The following THSD7B variants were observed in gnomAD, a reference collection of about 807,000 sequenced individuals.
THSD7B encodes thrombospondin type 1 domain containing 7B.
A neutral mutation model predicts 213.6 loss-of-function variants in THSD7B; 138 were observed. That is an observed-to-expected ratio of 0.65 (90% CI 0.56 to 0.74). The LOEUF (loss-of-function observed/expected upper bound fraction) is 0.74. Among genes scored for constraint, THSD7B ranks in the 30% least tolerant of loss-of-function variants. The pLI is 0.00. For synonymous variants in THSD7B, 742 were observed against 687.0 expected, an observed-to-expected ratio of 1.08 and a Z score of -1.25; for missense variants, 1,931 against 1,991.5, an observed-to-expected ratio of 0.97 and a Z score of 0.58.
At chr2:136,771,853 A>G (rs1681512217) in intron 1 of THSD7B, among the ~76,000 whole-genome samples, 1 of 152,140 alleles carries the variant, frequency 6.6e-6, no homozygotes, top group Non-Finnish European at 1.5e-5. Flanking sequence ...GGGCCTGGGT[A>G]ATAACAGCCA....
chr2:136,991,969 C>A (rs1685793152), intron 2 of THSD7B, among the ~76,000 whole-genome samples: 1 of 152,182 alleles, frequency 6.6e-6, no homozygotes, highest in African/African-American at 2.4e-5. Flanking sequence ...CTCCATTAGT[C>A]ACTTTACCGT....
chr2:137,170,602 A>T, intron 6 of THSD7B, 139 bp from the exon 7 acceptor site: 1 of 717,526 alleles, frequency 1.4e-6, no homozygotes, highest in Non-Finnish European at 2.2e-6. Context: ...CACTTCACAT[A>T]GAATAAAACA....
At chr2:136,876,351 C>T (rs1328707023) in intron 1 of THSD7B, among the ~76,000 whole-genome samples, 1 of 152,046 alleles carries the variant, frequency 6.6e-6, no homozygotes, top group Non-Finnish European at 1.5e-5. Context: ...TTTATGAGGG[C>T]AATATTTAGG....
At chr2:137,659,932 T>C (rs1162163963) in intron 25 of THSD7B, among the ~76,000 whole-genome samples, 186 bp downstream of exon 25, 2 of 152,238 alleles carry the variant, frequency 1.3e-5, no homozygotes, top group Non-Finnish European at 2.9e-5. Flanking sequence ...ATTAACAGTG[T>C]TTTTCTATAA....
chr2:137,116,195 G>C (rs1029318753), intron 5 of THSD7B, among the ~76,000 whole-genome samples: 1 of 152,198 alleles, frequency 6.6e-6, no homozygotes, highest in East Asian at 1.9e-4. Context: ...TGTGACCATA[G>C]CCTCAGATAA....
intron 7 of THSD7B, among the ~76,000 whole-genome samples, chr2:137,178,562 A>G (rs537348920): frequency 2.0e-4 from 30 of 152,198 alleles, no homozygotes; most frequent in Non-Finnish European, 4.0e-4. Context: ...CCTTTCATTT[A>G]GTTGTCTTGC....
At chr2:136,957,264 A>G (rs1359986564) in intron 2 of THSD7B, among the ~76,000 whole-genome samples, 1 of 152,164 alleles carries the variant, frequency 6.6e-6, no homozygotes, top group Non-Finnish European at 1.5e-5. Flanking sequence ...GAGAGAAGGT[A>G]GGACTGTATC....
chr2:137,471,369 C>T (rs569522717), intron 15 of THSD7B, among the ~76,000 whole-genome samples: 40 of 152,224 alleles, frequency 2.6e-4, no homozygotes, highest in Non-Finnish European at 4.9e-4. Flanking sequence ...ATATAAAATA[C>T]GTTTTATCCT....
Position 137,638,370 on chromosome 2 carries a change from C to G in THSD7B, c.3800-4118C>G, listed in dbSNP as rs943792228. Among the ~76,000 whole-genome samples the G allele has an allele frequency of 3.4e-4, 52 of 152,068 alleles. 3 individuals are homozygous for G. The highest frequency in any genetic ancestry group is 2.9e-5 in the Non-Finnish European group (2 of 68,016). On this transcript the variant is annotated intron_variant, in intron 20 of 27. Transcript: ENST00000409968. ...CAGGGGTTTCCGCTTTTGCTTATTC[C>G]TCATTTTTCTCTTGTTACCTCCATG...
At chr2:137,624,079 A>G (rs1413702572) in intron 20 of THSD7B, among the ~76,000 whole-genome samples, 2 of 152,220 alleles carry the variant, frequency 1.3e-5, no homozygotes, top group African/African-American at 2.4e-5. Context: ...TTCAAACTAT[A>G]CTACAAGGCT....
At chr2:136,883,433 A>G (rs1683660799) in intron 2 of THSD7B, among the ~76,000 whole-genome samples, 1 of 151,884 alleles carries the variant, frequency 6.6e-6, no homozygotes, top group Non-Finnish European at 1.5e-5. Flanking sequence ...GTGGGCTCCA[A>G]TACTTCATTA....
chr2:137,162,011 C>T (rs1680028389), intron 6 of THSD7B, among the ~76,000 whole-genome samples: 1 of 152,168 alleles, frequency 6.6e-6, no homozygotes. Flanking sequence ...AGCTGTAGAA[C>T]CACATCAGAC....
chr2:137,484,156 G>A (rs1286057430), intron 15 of THSD7B, among the ~76,000 whole-genome samples: 1 of 147,490 alleles, frequency 6.8e-6, no homozygotes, highest in Admixed American at 6.8e-5. Flanking sequence ...ATCTCCTAAA[G>A]CTATCCCTCC....
chr2:137,068,801 C>T (rs1687425474), intron 3 of THSD7B, among the ~76,000 whole-genome samples: 1 of 151,942 alleles, frequency 6.6e-6, no homozygotes, highest in East Asian at 1.9e-4. Context: ...CATTCTGTTT[C>T]CTCTGTTTTG....
chr2:137,073,982 G>C (rs548156124), intron 3 of THSD7B, among the ~76,000 whole-genome samples: 305 of 152,272 alleles, frequency 2.0e-3, no homozygotes, highest in Middle Eastern at 6.8e-3. Context: ...TTTTACATTT[G>C]CTGAGGAGTG....
chr2:137,200,014 T>G (rs1573881727), intron 7 of THSD7B, among the ~76,000 whole-genome samples: 2 of 152,240 alleles, frequency 1.3e-5, no homozygotes, highest in East Asian at 1.9e-4. Flanking sequence ...TTCACATAAT[T>G]ACATCCTTAA....
chr2:137,407,207 ACT>A (rs1365743678), intron 13 of THSD7B, among the ~76,000 whole-genome samples: 1 of 152,076 alleles, frequency 6.6e-6, no homozygotes, highest in African/African-American at 2.4e-5. Context: ...AATTGTTGAA[ACT>A]CTAATGAATT....
In THSD7B at chr2:137,118,511, C is replaced by T. The variant is rs548805673; in HGVS notation, c.1369+3218C>T. The stretch of plus-strand genomic sequence containing the variant: ...AAAGCAATAAACTATATTTAAAAAT[C>T]CAGAAAAATTTTTGGTGTGGTTGTA... On this transcript the variant is annotated intron_variant, in intron 5 of 27. Coordinates refer to ENST00000409968, the MANE Select transcript of THSD7B (RefSeq NM_001316349.2). Among the ~76,000 whole-genome samples the T allele has an allele frequency of 9.9e-5, 15 of 152,040 alleles. 1 individual carries two copies. The highest frequency in any genetic ancestry group is 6.2e-4 in the South Asian group (3 of 4,824).
In THSD7B at chr2:137,056,460, A is replaced by T; in HGVS notation, c.180A>T (p.Gly60=). Residue 60 remains glycine, a synonymous_variant, in exon 3 of 28, where the codon GGA becomes GGT. Transcript: ENST00000409968. ...GRCTGDCGPG[G]VQSRAVWCFH... is the part of the protein sequence containing the mutation. ...GTACAGGAGACTGTGGTCCCGGAGG[A>T]GTCCAGAGTCGGGCAGTGTGGTGTT... The T allele has an allele frequency of 6.2e-7, 1 of 1,613,924 alleles. No individual in the cohort carries two copies. The highest frequency in any genetic ancestry group is 8.5e-7 in the Non-Finnish European group (1 of 1,179,864).
Sources: allele counts gnomAD v4.1 joint callset (sites outside exome capture counted in the v4.1 genomes callset), GRCh38; gene constraint gnomAD v4.1.1; transcripts MANE v1.5; gene names NCBI Gene and HGNC (gene_info 2026-07-23, HGNC 2026-07-21).